Variants in UTRN observed in about 807,000 individuals in gnomAD.
UTRN encodes dystrophin-related protein 1.
Under a neutral mutation model 463.9 loss-of-function variants are expected in UTRN, and 283 were observed. That is an observed-to-expected ratio of 0.61 (90% confidence interval 0.55 to 0.67). The LOEUF (loss-of-function observed/expected upper bound fraction) is 0.67. Among genes scored for constraint, UTRN ranks in the 30% least tolerant of loss-of-function variants. The probability of loss-of-function intolerance (pLI) is 0.00; values close to 1 mark genes in which losing one functional copy is unlikely to be tolerated. For synonymous variants in UTRN, 1,442 were observed against 1,431.5 expected (o/e 1.01, Z -0.17); for missense variants, 3,922 against 4,084.3 (o/e 0.96, Z 1.08).
chr6:144,490,836 T>A (rs1792990741), intron 31 of UTRN, 93 bp from the exon 32 acceptor site: 7 of 1,401,528 alleles, frequency 5.0e-6, no homozygotes, highest in Non-Finnish European at 6.6e-6. Flanking sequence ...TTTTGGTACT[T>A]TATGGTACAA....
At chr6:144,812,217 G>C (rs1208625291) in intron 65 of UTRN, among the ~76,000 whole-genome samples, 1 of 149,754 alleles carries the variant, frequency 6.7e-6, no homozygotes, top group East Asian at 2.0e-4. Context: ...AGTTATTTAC[G>C]GGATTTAGGT....
intron 14 of UTRN, 98 bp from the exon 15 acceptor site, chr6:144,447,113 G>C: frequency 9.2e-7 from 1 of 1,081,788 alleles, no homozygotes; most frequent in Non-Finnish European, 1.3e-6. Context: ...TAAGGGTGAA[G>C]CCTCTAATAA....
chr6:144,455,459 A>AT (rs1475379146), intron 19 of UTRN, among the ~76,000 whole-genome samples: 3 of 152,154 alleles, frequency 2.0e-5, no homozygotes, highest in Admixed American at 2.0e-4. Context: ...ACAAGCATAG[A>AT]TTTTTTACTT....
rs867404993 is a variant in UTRN, at chr6:144,575,026, A to G, written c.7290-2073A>G. Among the ~76,000 whole-genome samples the G allele has an allele frequency of 5.9e-5, 9 of 152,312 alleles. 1 individual carries two copies. The highest frequency in any genetic ancestry group is 6.8e-3 in the Middle Eastern group (2 of 294). On this transcript the variant is annotated intron_variant, in intron 50 of 74. Coordinates refer to ENST00000367545, the MANE Select transcript of UTRN (RefSeq NM_007124.3). The stretch of plus-strand genomic sequence containing the variant: ...TTTACCTGCAATGTATGAGAGTTGC[A>G]GTTACTCCACATTCCTGCCAACCCT...
intron 51 of UTRN, among the ~76,000 whole-genome samples, chr6:144,629,032 G>T (rs1404609579): frequency 6.6e-6 from 1 of 152,096 alleles, no homozygotes; most frequent in East Asian, 1.9e-4. Flanking sequence ...TATTACATTG[G>T]TAGCTCTCTT....
In UTRN at chr6:144,488,789, C is replaced by A. The variant is rs1792735649; in HGVS notation, c.4089C>A (p.Tyr1363Ter). 6.2e-7 allele frequency: 1 copy of A among 1,609,728 alleles called. No individual in the cohort carries two copies. Among genetic ancestry groups the A allele is most frequent in the Non-Finnish European group, 8.5e-7 (1 of 1,177,562 alleles). Residue 1363 changes from tyrosine to a stop codon, truncating the protein, a stop_gained, in exon 30 of 75, where the codon TAC becomes TAA. Transcript: ENST00000367545. LOFTEE classifies it high-confidence loss of function. ...AGCTGGACAAACAGCTCACCACATA[C>A]CTGACTGACAGGATAGATGCTTTCC... is the stretch of plus-strand genomic sequence containing the variant. ...LGELDKQLTT[Y>*]LTDRIDAFQV...
intron 2 of UTRN, among the ~76,000 whole-genome samples, chr6:144,364,741 G>T (rs958275862): frequency 6.6e-6 from 1 of 152,116 alleles, no homozygotes; most frequent in Non-Finnish European, 1.5e-5. Flanking sequence ...GTGTTGACAG[G>T]GCCATGTTCC....
At chr6:144,483,745 G>C (rs982427367) in intron 27 of UTRN, among the ~76,000 whole-genome samples, 1 of 152,110 alleles carries the variant, frequency 6.6e-6, no homozygotes, top group African/African-American at 2.4e-5. Context: ...CACTGCACCC[G>C]GACTGGCTGA....
In UTRN at chr6:144,517,258, C is replaced by A. The variant is rs532166758; in HGVS notation, c.5541+310C>A. On this transcript the variant is annotated intron_variant, in intron 39 of 74. Coordinates refer to ENST00000367545, the MANE Select transcript of UTRN (RefSeq NM_007124.3). ...TTATTTGTGAAGGTCTTGTCTATGTCAAAAAAAATTTCTAGTTTAAAAATA... is the reference window on the plus strand; with the variant it reads ...TTATTTGTGAAGGTCTTGTCTATGTAAAAAAAAATTTCTAGTTTAAAAATA... Among the ~76,000 whole-genome samples, 8 of 151,314 alleles carry A rather than the reference C, an allele frequency of 5.3e-5. No individual in the cohort carries two copies. In the South Asian group the frequency reaches 1.7e-3, roughly 32 times the overall value.
At chr6:144,427,969 C>A (rs1785440924) in intron 7 of UTRN, among the ~76,000 whole-genome samples, 1 of 152,020 alleles carries the variant, frequency 6.6e-6, no homozygotes, top group African/African-American at 2.4e-5. Context: ...AGAGGAGGCA[C>A]TTGGCATCGG....
chr6:144,438,807 C>A lies in UTRN; in HGVS notation c.1304C>A (p.Thr435Lys). ...KQLQQLSAWL[T>K]LTEERIQKME... ...CTGCAGCAGCTCTCCGCCTGGTTAACACTCACAGAGGAGCGCATTCAGAAG... is the reference window on the plus strand; with the variant it reads ...CTGCAGCAGCTCTCCGCCTGGTTAAAACTCACAGAGGAGCGCATTCAGAAG... The change falls in exon 12 of 75, where the codon ACA becomes AAA. Residue 435 changes from threonine (T) to lysine (K), a missense_variant. Around this residue, in one of 3 missense-constraint regions of UTRN, gnomAD observed 2,349 missense variants for 2,303.8 expected, o/e 1.02. Coordinates refer to ENST00000367545, the MANE Select transcript of UTRN (RefSeq NM_007124.3). The A allele has an allele frequency of 6.2e-7, 1 of 1,614,230 alleles. No individual in the cohort carries two copies. Among genetic ancestry groups the A allele is most frequent in the Non-Finnish European group, 8.5e-7 (1 of 1,180,030 alleles).
At chr6:144,709,082 A>G (rs553469876) in intron 53 of UTRN, among the ~76,000 whole-genome samples, 1 of 152,284 alleles carries the variant, frequency 6.6e-6, no homozygotes, top group South Asian at 2.1e-4. Flanking sequence ...GCTCCTCTTA[A>G]TATCAGCACA....
chr6:144,809,038 T>C (rs1351446777), intron 65 of UTRN, among the ~76,000 whole-genome samples: 2 of 152,162 alleles, frequency 1.3e-5, no homozygotes, highest in African/African-American at 2.4e-5. Flanking sequence ...GTGGGATTAC[T>C]GGATGATATG....
chr6:144,505,261 T>C (rs1214470900), intron 34 of UTRN, among the ~76,000 whole-genome samples: 1 of 152,200 alleles, frequency 6.6e-6, no homozygotes, highest in East Asian at 1.9e-4. Flanking sequence ...CTCTATCTCC[T>C]TTAGTTCTGC....
intron 23 of UTRN, among the ~76,000 whole-genome samples, chr6:144,468,750 C>T (rs757332920): frequency 2.0e-5 from 3 of 152,048 alleles, no homozygotes; most frequent in Non-Finnish European, 2.9e-5. Context: ...AGCTCTTTGA[C>T]GATCTTTGTA....
At chr6:144,362,731 A>G (rs1168008252) in intron 2 of UTRN, among the ~76,000 whole-genome samples, 1 of 152,210 alleles carries the variant, frequency 6.6e-6, no homozygotes, top group Non-Finnish European at 1.5e-5. Context: ...AGAGAAGGAA[A>G]AAAATGACAT....
At chr6:144,441,787 T>C (rs140874658) in intron 13 of UTRN, among the ~76,000 whole-genome samples, 260 of 152,332 alleles carry the variant, frequency 1.7e-3, no homozygotes, top group Admixed American at 3.5e-3. Context: ...CGTGTTTCCA[T>C]ACATCCTCTG....
chr6:144,499,275 G>A lies in UTRN; in HGVS notation c.4612G>A (p.Asp1538Asn). The change falls in exon 34 of 75, where the codon GAT becomes AAT. Residue 1538 changes from aspartate to asparagine, a missense_variant. By Grantham distance (23) the Asp-to-Asn change is conservative. This residue lies in a region of UTRN where 2,349 missense variants were observed against 2,303.8 expected (regional missense o/e 1.02). Transcript: ENST00000367545. The part of the protein sequence containing the change: ...LGAQVTEGKQ[D>N]LERASQLARK... ...GTCTCAGGTGACAGAAGGAAAACAG[G>A]ATCTGGAAAGAGCATCACAGTTGGC... 1 of 1,612,334 alleles carries A rather than the reference G, an allele frequency of 6.2e-7. No homozygotes were observed.
chr6:144,538,912 T>C (rs1304250484), intron 44 of UTRN, among the ~76,000 whole-genome samples: 1 of 152,228 alleles, frequency 6.6e-6, no homozygotes, highest in Admixed American at 6.5e-5. Context: ...CAGTGGTTTT[T>C]TTGGGAATGT....
Sources: allele counts gnomAD v4.1 joint callset (sites outside exome capture counted in the v4.1 genomes callset), GRCh38; gene constraint gnomAD v4.1.1; regional missense constraint gnomAD v4.1.1; transcripts MANE v1.5; gene names NCBI Gene and HGNC (gene_info 2026-07-23, HGNC 2026-07-21).